CDK17: variants seen among roughly 807,000 people sequenced by gnomAD.
CDK17 encodes the protein cyclin dependent kinase 17.
CDK17 carries 24 observed loss-of-function variants against 77.6 expected under a neutral mutation model. The ratio of observed to expected loss-of-function variants is 0.31; its 90% CI spans 0.22 to 0.44. The LOEUF is 0.44. CDK17 is among the 20% of genes least tolerant of loss of function. CDK17 has a pLI of 1.00. For synonymous variants in CDK17, 203 were observed against 210.4 expected, an observed-to-expected ratio of 0.96 and a Z score of 0.30; for missense variants, 429 against 622.5, an observed-to-expected ratio of 0.69 and a Z score of 3.31.
intron 1 of CDK17, among the ~76,000 whole-genome samples, chr12:96,398,496 C>T (rs1440093): frequency 0.87 from 131,916 of 152,284 alleles, 57,127 homozygotes; most frequent in African/African-American, 0.87. Flanking sequence ...CTTTGTCTAC[C>T]CAAGGTATCA....
Position 96,280,247 on chromosome 12 carries a change from A to G in CDK17, c.1567T>C (p.Phe523Leu). ...TTGAAACCATGTTATCAGACTTAAA[A>G]GAGCATGCTCTGTCTTCTGTTCTTC... is the stretch of plus-strand genomic sequence containing the variant. The part of the protein sequence containing the change: ...HGKNRRQSML[F>L] The change falls in exon 17 of 17, where the codon TTT becomes CTT. Residue 523 changes from phenylalanine to leucine, a missense_variant. Around this residue, in one of 4 missense-constraint regions of CDK17, gnomAD observed 115 missense variants for 124.2 expected, o/e 0.93. Coordinates refer to ENST00000261211, the MANE Select transcript of CDK17 (RefSeq NM_002595.5). 6.4e-7 allele frequency: 1 copy of G among 1,551,100 alleles called. No individual in the cohort carries two copies. The highest frequency in any genetic ancestry group is 8.7e-7 in the Non-Finnish European group (1 of 1,146,632).
chr12:96,395,521 A>G (rs961378301), intron 1 of CDK17, among the ~76,000 whole-genome samples: 6 of 152,210 alleles, frequency 3.9e-5, no homozygotes, highest in African/African-American at 1.4e-4. Flanking sequence ...TACCTATATG[A>G]AGCGCTTATT....
intron 1 of CDK17, among the ~76,000 whole-genome samples, chr12:96,379,671 C>G (rs906735484): frequency 2.6e-5 from 4 of 152,070 alleles, no homozygotes; most frequent in African/African-American, 9.7e-5. Context: ...CTCAAGCAAT[C>G]CTTTCACCTT....
At chr12:96,287,307 G>A (rs1952259457) in intron 11 of CDK17, among the ~76,000 whole-genome samples, 1 of 152,078 alleles carries the variant, frequency 6.6e-6, no homozygotes, top group South Asian at 2.1e-4. Context: ...AGAAAAGGAT[G>A]GTGGTTCAGA....
chr12:96,287,945 A>G (rs1352924729), intron 11 of CDK17, among the ~76,000 whole-genome samples: 3 of 152,224 alleles, frequency 2.0e-5, no homozygotes, highest in Non-Finnish European at 4.4e-5. Flanking sequence ...GATTCTACTC[A>G]TAAGTGGTAC....
Position 96,359,949 on chromosome 12 carries a change from T to C in CDK17, c.-29-25084A>G, listed in dbSNP as rs147742324. ...ATCTATAGTCAACAAATCTCCACTATAAAGGAAATAAAGCAGGAACAGACA... is the reference window on the plus strand; with the variant it reads ...ATCTATAGTCAACAAATCTCCACTACAAAGGAAATAAAGCAGGAACAGACA... On this transcript the variant is annotated intron_variant, in intron 1 of 16. Coordinates refer to ENST00000261211, the MANE Select transcript of CDK17 (RefSeq NM_002595.5). Among the ~76,000 whole-genome samples, 325 of 152,016 alleles carry C rather than the reference T, an allele frequency of 2.1e-3. 1 individual carries two copies. The highest frequency in any genetic ancestry group is 7.0e-3 in the African/African-American group (290 of 41,452).
intron 1 of CDK17, among the ~76,000 whole-genome samples, chr12:96,382,773 A>G (rs1385817817): frequency 6.6e-6 from 1 of 152,180 alleles, no homozygotes; most frequent in East Asian, 1.9e-4. Flanking sequence ...TCATCTTCTC[A>G]ACAGACAGAG....
chr12:96,313,344 T>C lies in CDK17; in HGVS notation c.394A>G (p.Ile132Val), dbSNP rs140389429. The C allele has an allele frequency of 1.0e-5, 16 of 1,591,950 alleles. No individual in the cohort carries two copies. The Middle Eastern group carries it at 5.0e-4, about 49-fold the overall frequency. ...ACCTCCATTGAGATCCGTCTATGTATACGATTTCTGAGACAAACACCTGTA... is the reference window on the plus strand; with the variant it reads ...ACCTCCATTGAGATCCGTCTATGTACACGATTTCTGAGACAAACACCTGTA... ...SPTGVCLRNRIHRRISMEDLN... is the reference protein window; with the variant it reads ...SPTGVCLRNRVHRRISMEDLN... Residue 132 changes from isoleucine to valine, a missense_variant, in exon 4 of 17, where the codon ATA becomes GTA. By Grantham distance (29) the Ile-to-Val change is conservative (BLOSUM62 3). Around this residue, in one of 4 missense-constraint regions of CDK17, gnomAD observed 262 missense variants for 385.4 expected, o/e 0.68. Coordinates refer to ENST00000261211, the MANE Select transcript of CDK17 (RefSeq NM_002595.5).
intron 3 of CDK17, 44 bp downstream of exon 3, chr12:96,323,904 G>T: frequency 7.1e-7 from 1 of 1,410,370 alleles, no homozygotes; most frequent in Non-Finnish European, 9.6e-7. Context: ...TGTGCATGAC[G>T]TATAATCAGA....
chr12:96,380,184 AC>A (rs200934071), intron 1 of CDK17, among the ~76,000 whole-genome samples: 7 of 86,524 alleles, frequency 8.1e-5, no homozygotes, highest in Non-Finnish European at 1.3e-4. Flanking sequence ...CAAAAAAAAA[AC>A]AAAAAAAAAA....
chr12:96,315,669 C>A (rs117516948), intron 3 of CDK17, among the ~76,000 whole-genome samples: 2,798 of 152,180 alleles, frequency 0.018, 51 homozygotes, highest in Non-Finnish European at 0.029. Context: ...TTAAAATGCA[C>A]AGCTAAATGT....
intron 1 of CDK17, among the ~76,000 whole-genome samples, chr12:96,389,026 T>TA (rs1954020166): frequency 6.6e-6 from 1 of 150,856 alleles, no homozygotes; most frequent in Non-Finnish European, 1.5e-5. Flanking sequence ...CTCACTTTTT[T>TA]TTATTATTAT....
intron 2 of CDK17, among the ~76,000 whole-genome samples, chr12:96,328,610 T>C (rs1026091005): frequency 3.9e-5 from 6 of 152,204 alleles, no homozygotes; most frequent in Non-Finnish European, 5.9e-5. Flanking sequence ...CCTAGATTTT[T>C]AGTTTTAGTA....
At chr12:96,291,624 T>G (rs765145109) in intron 10 of CDK17, among the ~76,000 whole-genome samples, 96 of 150,002 alleles carry the variant, frequency 6.4e-4, no homozygotes, top group Admixed American at 4.9e-3. Context: ...TGACATTCCT[T>G]TTGCTTTTTT....
chr12:96,300,175 G>T, intron 6 of CDK17, 129 bp downstream of exon 6: 2 of 662,170 alleles, frequency 3.0e-6, no homozygotes, highest in South Asian at 1.8e-5. Flanking sequence ...TACCTTTCCA[G>T]AACAAGTATA....
At chr12:96,381,708 G>C (rs1351485859) in intron 1 of CDK17, among the ~76,000 whole-genome samples, 1 of 150,654 alleles carries the variant, frequency 6.6e-6, no homozygotes, top group African/African-American at 2.4e-5. Context: ...ATATTACAAA[G>C]CATTGAAAAA....
intron 1 of CDK17, among the ~76,000 whole-genome samples, chr12:96,391,609 C>G (rs1362397912): frequency 2.0e-5 from 3 of 152,038 alleles, no homozygotes; most frequent in Non-Finnish European, 4.4e-5. Flanking sequence ...TCGGTTAAAC[C>G]AAATTTTACT....
At chr12:96,355,400 T>TTTA (rs1953378522) in intron 1 of CDK17, among the ~76,000 whole-genome samples, 1 of 25,828 alleles carries the variant, frequency 3.9e-5, no homozygotes, top group Non-Finnish European at 8.0e-5. Context: ...TACATTGGGT[T>TTTA]TTTTTTTTTT....
chr12:96,373,692 C>T (rs765023762), intron 1 of CDK17, among the ~76,000 whole-genome samples: 4 of 152,074 alleles, frequency 2.6e-5, no homozygotes, highest in African/African-American at 7.2e-5. Context: ...GAGGCCAAGG[C>T]GGACAGATCA....
Sources: gnomAD v4.1 joint callset for allele counts (sites outside exome capture counted in the v4.1 genomes callset) on GRCh38, gnomAD v4.1.1 for gene constraint, gnomAD v4.1.1 regional missense constraint, MANE v1.5 for transcripts, NCBI Gene and HGNC (gene_info 2026-07-23, HGNC 2026-07-21) for gene names.